CACNA1B: variants seen among roughly 807,000 people sequenced by gnomAD.
The protein encoded by CACNA1B is calcium voltage-gated channel subunit alpha1 B.
Under a neutral mutation model 247.2 loss-of-function variants are expected in CACNA1B, and 70 were observed. That is an observed-to-expected ratio of 0.28 (90% CI 0.23 to 0.35). The LOEUF is 0.35. Among genes scored for constraint, CACNA1B ranks in the 10% least tolerant of loss-of-function variants. The pLI is 1.00. For missense variants in CACNA1B, 2,367 were observed against 3,197.4 expected, an observed-to-expected ratio of 0.74 and a Z score of 6.26; for synonymous variants, 1,231 against 1,294.4, an observed-to-expected ratio of 0.95 and a Z score of 1.05.
At position 138,053,944 on chromosome 9, in the gene CACNA1B, G is replaced by C; in HGVS notation, c.3906G>C (p.Gln1302His). ...TCATATTTGCCGTCATTGCGGTGCA[G>C]CTCTTCAAAGGGAAGTTTTTCTACT... ...FMFIFAVIAV[Q>H]LFKGKFFYCT... The change falls in exon 26 of 47, where the codon CAG (glutamine) becomes CAC (histidine). Residue 1302 changes from glutamine to histidine, a missense_variant. This residue lies in a region of CACNA1B where 436 missense variants were observed against 679.5 expected (regional missense o/e 0.64). Transcript: ENST00000371372. The C allele has an allele frequency of 6.2e-7, 1 of 1,613,822 alleles. No homozygotes were observed. The highest frequency in any genetic ancestry group is 8.5e-7 in the Non-Finnish European group (1 of 1,179,724).
intron 6 of CACNA1B, among the ~76,000 whole-genome samples, chr9:137,922,030 C>T (rs982760460): frequency 2.0e-5 from 3 of 147,492 alleles, no homozygotes; most frequent in Non-Finnish European, 4.5e-5. Flanking sequence ...ATAAAGCATT[C>T]GGAGAACATG....
chr9:138,006,396 G>A (rs996528721), intron 15 of CACNA1B, among the ~76,000 whole-genome samples: 2 of 152,152 alleles, frequency 1.3e-5, no homozygotes, highest in African/African-American at 4.8e-5. Context: ...TGTGAACCTC[G>A]GCTTCCTTGA....
Position 138,051,547 on chromosome 9 carries a change from T to A in CACNA1B, c.3711-545T>A, listed in dbSNP as rs1310090824. The stretch of plus-strand genomic sequence containing the variant: ...CATTGCCTCTGTATTCGTCCGACTT[T>A]TTCTCTTTCTTACTCTCCTTCCCCT... On this transcript the variant is annotated intron_variant, in intron 24 of 46. Coordinates refer to ENST00000371372, the MANE Select transcript of CACNA1B (RefSeq NM_000718.4). This position sits in a 1 kb window ranked among gnomAD's most constrained non-coding sequence, Gnocchi z 4.3. Among the ~76,000 whole-genome samples the A allele has an allele frequency of 6.6e-6, 1 of 150,644 alleles. No homozygotes were observed. Among genetic ancestry groups the A allele is most frequent in the Non-Finnish European group, 1.5e-5 (1 of 67,676 alleles).
At chr9:138,003,092 G>T (rs1285355701) in intron 15 of CACNA1B, among the ~76,000 whole-genome samples, 1 of 151,372 alleles carries the variant, frequency 6.6e-6, no homozygotes, top group Admixed American at 6.6e-5. Flanking sequence ...CACTGTGCCT[G>T]GCCCAAATTT....
At chr9:138,063,345 T>G (rs895714424) in intron 31 of CACNA1B, among the ~76,000 whole-genome samples, 2 of 152,120 alleles carry the variant, frequency 1.3e-5, no homozygotes, top group African/African-American at 4.8e-5. Flanking sequence ...ATTTAAAAAT[T>G]TAGCCAGGCA....
intron 12 of CACNA1B, among the ~76,000 whole-genome samples, chr9:137,978,202 GGAA>G: frequency 8.0e-6 from 1 of 125,082 alleles, no homozygotes. Flanking sequence ...CCCCCCCCCA[GGAA>G]AGAGCAACGG....
At chr9:137,985,314 T>C (rs991887897) in intron 13 of CACNA1B, among the ~76,000 whole-genome samples, 11 of 152,250 alleles carry the variant, frequency 7.2e-5, no homozygotes, top group Admixed American at 5.9e-4. Flanking sequence ...ACTGGCGCTC[T>C]GTGCTGTGTG....
At chr9:138,115,460 C>G in intron 41 of CACNA1B, 92 bp from the exon 42 acceptor site, 1 of 1,383,384 alleles carries the variant, frequency 7.2e-7, no homozygotes, top group South Asian at 1.4e-5. Flanking sequence ...CATGACCTGG[C>G]TTTTGCCCCA....
chr9:137,955,265 C>T lies in CACNA1B; in HGVS notation c.1071-433C>T, dbSNP rs765023727. Among the ~76,000 whole-genome samples the T allele has an allele frequency of 4.6e-5, 7 of 152,172 alleles. No homozygotes were observed. Among genetic ancestry groups the T allele is most frequent in the Admixed American group, 6.5e-5 (1 of 15,288 alleles). The stretch of plus-strand genomic sequence containing the variant: ...GAACCAACAGAGGAAGCAAAGTGAA[C>T]GTTCTCCTCTGGAGAATTCTCGCCA... On this transcript the variant is annotated intron_variant, in intron 7 of 46. Transcript: ENST00000371372. This position sits in a 1 kb window ranked among gnomAD's most constrained non-coding sequence, Gnocchi z 6.9.
At chr9:138,120,075 G>C (rs1043864486) in intron 44 of CACNA1B, 90 bp from the exon 45 acceptor site, 6 of 1,124,618 alleles carry the variant, frequency 5.3e-6, no homozygotes, top group South Asian at 1.5e-5. Context: ...TGGGCCTGCT[G>C]TCTGGCCTGC....
Position 138,075,903 on chromosome 9 carries a change from C to T in CACNA1B, c.4942C>T (p.Leu1648=), listed in dbSNP as rs190475368. 1 of 1,604,762 alleles carries T rather than the reference C, an allele frequency of 6.2e-7. No homozygotes were observed. Among genetic ancestry groups the T allele is most frequent in the Admixed American group, 1.7e-5 (1 of 59,622 alleles). ...GACGTTTTTGCAAGCCCTGATGCTG[C>T]TGTTCAGGTGTGTTGTTCGGTCAGC... is the stretch of plus-strand genomic sequence containing the variant. ...FRTFLQALML[L]FRSATGEAWH... Residue 1648 remains leucine (L), a synonymous_variant, in exon 35 of 47, where the codon CTG becomes TTG. Coordinates refer to ENST00000371372, the MANE Select transcript of CACNA1B (RefSeq NM_000718.4).
At position 137,880,742 on chromosome 9, in the gene CACNA1B, G is replaced by A. The variant is rs546679722; in HGVS notation, c.390+1583G>A. Among the ~76,000 whole-genome samples the A allele has an allele frequency of 5.8e-4, 88 of 152,282 alleles. 1 individual carries two copies. The highest frequency in any genetic ancestry group is 2.0e-3 in the African/African-American group (84 of 41,542). On this transcript the variant is annotated intron_variant, in intron 2 of 46. Coordinates refer to ENST00000371372, the MANE Select transcript of CACNA1B (RefSeq NM_000718.4). The surrounding 1 kb of genome is among the most constrained non-coding windows in gnomAD (Gnocchi z 4.8). ...TTGACCAGTCCCAGTCCCATGTGCAGGCCCAGCCATTGATGTCCCCTGGGA... is the reference window on the plus strand; with the variant it reads ...TTGACCAGTCCCAGTCCCATGTGCAAGCCCAGCCATTGATGTCCCCTGGGA...
intron 20 of CACNA1B, among the ~76,000 whole-genome samples, chr9:138,038,729 G>A (rs560023407): frequency 6.6e-6 from 1 of 152,216 alleles, no homozygotes; most frequent in African/African-American, 2.4e-5. Context: ...TCTTGCTTTT[G>A]TCTTCCCGTC....
chr9:137,939,289 C>T (rs1957704219), intron 6 of CACNA1B, among the ~76,000 whole-genome samples: 1 of 152,120 alleles, frequency 6.6e-6, no homozygotes, highest in Non-Finnish European at 1.5e-5. Flanking sequence ...ATGGAACTCT[C>T]TTCAAGATAA....
chr9:138,017,329 C>A, intron 18 of CACNA1B: 1 of 440,406 alleles, frequency 2.3e-6, no homozygotes, highest in Admixed American at 2.4e-5. Context: ...CCAGGCCGGG[C>A]TTCTGTGGCC....
rs1296831763 is a variant in CACNA1B, at chr9:138,052,712, G to C, written c.3807+524G>C. Among the ~76,000 whole-genome samples, 1 of 152,214 alleles carries C rather than the reference G, an allele frequency of 6.6e-6. No homozygotes were observed. Among genetic ancestry groups the C allele is most frequent in the Non-Finnish European group, 1.5e-5 (1 of 68,038 alleles). On this transcript the variant is annotated intron_variant, in intron 25 of 46. Coordinates refer to ENST00000371372, the MANE Select transcript of CACNA1B (RefSeq NM_000718.4). The surrounding 1 kb of genome is among the most constrained non-coding windows in gnomAD (Gnocchi z 5.1). ...GCAGATTCTTTTACTGGAAATTCAAGCCATTGAGACCTGAGGCAATGGGGA... is the reference window on the plus strand; with the variant it reads ...GCAGATTCTTTTACTGGAAATTCAACCCATTGAGACCTGAGGCAATGGGGA...
At chr9:137,984,353 C>G in intron 13 of CACNA1B, 103 bp downstream of exon 13, 1 of 804,818 alleles carries the variant, frequency 1.2e-6, no homozygotes, top group Non-Finnish European at 2.1e-6. Flanking sequence ...CACCCAGAAG[C>G]TCTCTCTGTG....
In CACNA1B at chr9:137,997,097, C is replaced by T. The variant is rs376142357; in HGVS notation, c.1975-9670C>T. Reference sequence around the variant, plus strand: ...ACAAACCCTGTATGATCAGAGAAAGCACTGGAACTGTAGCACAAGCACAGT... The same window carrying T: ...ACAAACCCTGTATGATCAGAGAAAGTACTGGAACTGTAGCACAAGCACAGT... On this transcript the variant is annotated intron_variant, in intron 15 of 46. Transcript: ENST00000371372. Among the ~76,000 whole-genome samples the T allele has an allele frequency of 1.3e-4, 20 of 152,284 alleles. No homozygotes were observed. In the South Asian group the frequency reaches 4.1e-3, roughly 32 times the overall value.
chr9:138,105,867 A>G, intron 39 of CACNA1B, 60 bp downstream of exon 39: 1 of 921,670 alleles, frequency 1.1e-6, no homozygotes, highest in Non-Finnish European at 1.7e-6. Flanking sequence ...CTCCGCCCTC[A>G]GTGTCAGCCC....
Sources: gnomAD v4.1 joint callset for allele counts (sites outside exome capture counted in the v4.1 genomes callset) on GRCh38, gnomAD v4.1.1 for gene constraint, gnomAD v4.1.1 regional missense constraint, Gnocchi (gnomAD v3.1) non-coding constraint, MANE v1.5 for transcripts, NCBI Gene and HGNC (gene_info 2026-07-23, HGNC 2026-07-21) for gene names.